Variants in SERP2 observed in about 807,000 individuals in gnomAD.
SERP2 encodes the protein stress-associated endoplasmic reticulum protein 2.
A neutral mutation model predicts 9.1 loss-of-function variants in SERP2; 6 were observed. The observed-to-expected ratio is 0.66, with a 90% confidence interval of 0.36 to 1.30. The LOEUF (loss-of-function observed/expected upper bound fraction) is 1.30, where lower values mean the gene tolerates loss of function less well. Ranked by LOEUF, SERP2 falls within the 50% of genes most tolerant of loss-of-function variation. The pLI is 0.03. For synonymous variants in SERP2, 37 were observed against 27.3 expected (o/e 1.35, Z -1.10); for missense variants, 58 against 81.9 (o/e 0.71, Z 1.13).
intron 2 of SERP2, among the ~76,000 whole-genome samples, chr13:44,389,701 G>A (rs1872524446): frequency 1.3e-5 from 2 of 152,174 alleles, no homozygotes; most frequent in South Asian, 4.1e-4. Flanking sequence ...ATAGATAAAG[G>A]ATAGGGTTTG....
chr13:44,388,161 G>T (rs1394399740), intron 2 of SERP2, among the ~76,000 whole-genome samples: 1 of 149,822 alleles, frequency 6.7e-6, no homozygotes, highest in African/African-American at 2.5e-5. Context: ...TTAAGCTGCA[G>T]AACTTTGTTC....
intron 2 of SERP2, among the ~76,000 whole-genome samples, chr13:44,382,471 A>T (rs1192762254): frequency 6.6e-6 from 1 of 151,800 alleles, no homozygotes; most frequent in Non-Finnish European, 1.5e-5. Context: ...ACAAAATAAA[A>T]ACAAACAAAA....
chr13:44,376,401 G>A (rs190795801), intron 1 of SERP2, among the ~76,000 whole-genome samples: 93 of 152,300 alleles, frequency 6.1e-4, no homozygotes, highest in Admixed American at 2.0e-3. Flanking sequence ...TTAATTGTAT[G>A]CAGATGCTTC....
intron 2 of SERP2, among the ~76,000 whole-genome samples, chr13:44,383,325 T>C (rs904429573): frequency 1.3e-5 from 2 of 152,158 alleles, no homozygotes; most frequent in Admixed American, 1.3e-4. Context: ...CTCAAACCCA[T>C]GCCAACTCTC....
At chr13:44,395,704 C>T in intron 2 of SERP2, 2 of 366,516 alleles carry the variant, frequency 5.5e-6, no homozygotes, top group Non-Finnish European at 5.5e-6. Flanking sequence ...GTTGGACCAA[C>T]ACCTTCACCA....
chr13:44,384,656 T>C (rs1021179702), intron 2 of SERP2, among the ~76,000 whole-genome samples: 6 of 152,220 alleles, frequency 3.9e-5, no homozygotes, highest in African/African-American at 1.4e-4. Context: ...TATTCCCTTC[T>C]ATTAGCTCTC....
In SERP2 at chr13:44,373,958, C is replaced by T; in HGVS notation, c.-68C>T. ...CGCGGGGGCCTCGGCGGGACGCGCT[C>T]GGCCCTGTCGCAGGAGCTAACGCAG... On this transcript the variant is annotated 5_prime_UTR_variant, in exon 1 of 3. Transcript: ENST00000379179. This position sits in a 1 kb window ranked among gnomAD's most constrained non-coding sequence, Gnocchi z 4.8. 2 of 1,428,352 alleles carry T rather than the reference C, an allele frequency of 1.4e-6. No individual in the cohort carries two copies. The highest frequency in any genetic ancestry group is 2.0e-5 in the Admixed American group (1 of 48,852). The allele number at this position is 1,428,352 out of a possible 1,614,324, so 88.5% of individuals were successfully genotyped here.
Position 44,379,625 on chromosome 13 carries a change from T to A in SERP2, c.85-16T>A. 1 of 1,600,154 alleles carries A rather than the reference T, an allele frequency of 6.2e-7. No homozygotes were observed. The highest frequency in any genetic ancestry group is 8.5e-7 in the Non-Finnish European group (1 of 1,169,652). ...AGTCAATGAACCTAATCTTACTTTT[T>A]CCCATTCCCTTTTAGAGGCCGCAAG... On this transcript the variant is annotated splice_polypyrimidine_tract_variant and intron_variant, in intron 1 of 2. Transcript: ENST00000379179.
intron 1 of SERP2, among the ~76,000 whole-genome samples, chr13:44,376,987 A>T (rs1871694833): frequency 6.6e-6 from 1 of 152,210 alleles, no homozygotes; most frequent in South Asian, 2.1e-4. Context: ...AATCACTACT[A>T]GTTTTCCCCA....
chr13:44,396,504 T>C (rs978947812), intron 2 of SERP2, among the ~76,000 whole-genome samples: 1 of 151,402 alleles, frequency 6.6e-6, no homozygotes, highest in Admixed American at 6.6e-5. Context: ...TTGTCAACAC[T>C]GACCACGGTT....
chr13:44,378,660 TTTG>T (rs147827749), intron 1 of SERP2, among the ~76,000 whole-genome samples: 1,828 of 152,268 alleles, frequency 0.012, 33 homozygotes, highest in African/African-American at 0.041. Flanking sequence ...TAGTGAGTTC[TTTG>T]TTGTTGTTTT....
intron 1 of SERP2, among the ~76,000 whole-genome samples, chr13:44,376,497 G>A (rs1032207046): frequency 2.6e-5 from 4 of 152,160 alleles, no homozygotes; most frequent in African/African-American, 7.2e-5. Flanking sequence ...AAGGCCGGGC[G>A]TGGTGGCTCA....
chr13:44,387,555 T>C (rs1283040199), intron 2 of SERP2, among the ~76,000 whole-genome samples: 3 of 152,232 alleles, frequency 2.0e-5, no homozygotes. Flanking sequence ...CTTAATATGC[T>C]ACCTGTTTGG....
At chr13:44,373,694 G>A, upstream of SERP2, 1 of 305,268 alleles carries the variant, frequency 3.3e-6, no homozygotes, top group Non-Finnish European at 6.0e-6. The surrounding 1 kb of genome is among the most constrained non-coding windows in gnomAD (Gnocchi z 4.8). Flanking sequence ...GGCTCTGCGC[G>A]CTGCGCTCCG....
chr13:44,387,276 T>C (rs4941499), intron 2 of SERP2, among the ~76,000 whole-genome samples: 150,298 of 152,204 alleles, frequency 0.99, 74,232 homozygotes, highest in Non-Finnish European at 1. Context: ...CGTTTTCTTT[T>C]CCTTTTGTCC....
At chr13:44,391,967 C>T (rs896726961) in intron 2 of SERP2, among the ~76,000 whole-genome samples, 9 of 151,010 alleles carry the variant, frequency 6.0e-5, no homozygotes, top group South Asian at 2.1e-4. Context: ...GAGGCCGAGG[C>T]GGGTGGATCG....
At chr13:44,387,554 C>G (rs944539097) in intron 2 of SERP2, among the ~76,000 whole-genome samples, 2 of 152,152 alleles carry the variant, frequency 1.3e-5, no homozygotes, top group African/African-American at 4.8e-5. Context: ...CCTTAATATG[C>G]TACCTGTTTG....
chr13:44,391,320 GCTGA>G (rs1287244918), intron 2 of SERP2, among the ~76,000 whole-genome samples: 2 of 152,192 alleles, frequency 1.3e-5, no homozygotes, highest in African/African-American at 2.4e-5. Context: ...GCCATTTGAT[GCTGA>G]CTCTTTGGGT....
intron 2 of SERP2, among the ~76,000 whole-genome samples, chr13:44,386,966 C>T (rs551845124): frequency 6.6e-6 from 1 of 152,286 alleles, no homozygotes; most frequent in South Asian, 2.1e-4. Flanking sequence ...TCTTCCATTT[C>T]TGCAGGCAGT....
Sources: allele counts gnomAD v4.1 joint callset (sites outside exome capture counted in the v4.1 genomes callset), GRCh38; gene constraint gnomAD v4.1.1; non-coding constraint Gnocchi (gnomAD v3.1); transcripts MANE v1.5; gene names NCBI Gene and HGNC (gene_info 2026-07-23, HGNC 2026-07-21).